Variants in SLC7A14 observed in about 807,000 individuals in gnomAD.
The protein encoded by SLC7A14 is solute carrier family 7 member 14, also known as gamma-aminobutyric acid transporter SLC7A14.
Under a neutral mutation model 60.2 loss-of-function variants are expected in SLC7A14, and 37 were observed. The ratio of observed to expected loss-of-function variants is 0.61; its 90% CI spans 0.47 to 0.81. The LOEUF (loss-of-function observed/expected upper bound fraction) is 0.81, where lower values mean the gene tolerates loss of function less well. SLC7A14 is among the 30% of genes least tolerant of loss of function. The pLI is 0.00. For synonymous variants in SLC7A14, 399 were observed against 395.8 expected, an observed-to-expected ratio of 1.01 and a Z score of -0.10; for missense variants, 886 against 982.7, an observed-to-expected ratio of 0.90 and a Z score of 1.32.
At chr3:170,475,288 A>T (rs868824535) in intron 7 of SLC7A14, among the ~76,000 whole-genome samples, 11 of 152,200 alleles carry the variant, frequency 7.2e-5, no homozygotes, top group African/African-American at 1.9e-4. Flanking sequence ...AAGCTTGGAT[A>T]AAAAAATGTG....
chr3:170,553,178 G>T (rs886722837), intron 1 of SLC7A14, among the ~76,000 whole-genome samples: 9 of 152,144 alleles, frequency 5.9e-5, no homozygotes, highest in Non-Finnish European at 1.3e-4. Flanking sequence ...GCCCTGTCTT[G>T]TTCATCTTGG....
At chr3:170,473,607 G>A (rs1405730655) in intron 7 of SLC7A14, among the ~76,000 whole-genome samples, 1 of 152,154 alleles carries the variant, frequency 6.6e-6, no homozygotes, top group African/African-American at 2.4e-5. Flanking sequence ...ACAGACATTT[G>A]CCGAAGCAGA....
In SLC7A14 at chr3:170,515,846, G is replaced by A. The variant is rs891622631; in HGVS notation, c.304+10787C>T. On this transcript the variant is annotated intron_variant, in intron 2 of 7. Coordinates refer to ENST00000231706, the MANE Select transcript of SLC7A14 (RefSeq NM_020949.3). ...CTCAGGTGTCCCGACTTCTGACGCAGGCCTGATTGTCTCTTGCAGCACTCA... is the reference window on the plus strand; with the variant it reads ...CTCAGGTGTCCCGACTTCTGACGCAAGCCTGATTGTCTCTTGCAGCACTCA... 3.3e-5 allele frequency among the ~76,000 whole-genome samples: 5 copies of A among 152,132 alleles called. No homozygotes were observed. The East Asian group carries it at 9.6e-4, about 29-fold the overall frequency.
chr3:170,577,092 C>T (rs1416331111), intron 1 of SLC7A14, among the ~76,000 whole-genome samples: 1 of 152,186 alleles, frequency 6.6e-6, no homozygotes, highest in Non-Finnish European at 1.5e-5. Context: ...CCATCTCTTT[C>T]CTCTGGACTA....
intron 7 of SLC7A14, among the ~76,000 whole-genome samples, chr3:170,471,111 G>C (rs944177204): frequency 1.3e-5 from 2 of 152,004 alleles, no homozygotes; most frequent in Non-Finnish European, 1.5e-5. Context: ...GTGTGTGTGT[G>C]TGTGTGTGTG....
chr3:170,466,866 C>T lies in SLC7A14; in HGVS notation c.*189G>A. 3.7e-6 allele frequency: 2 copies of T among 536,824 alleles called. No individual in the cohort carries two copies. Among genetic ancestry groups the T allele is most frequent in the East Asian group, 6.1e-5 (2 of 32,714 alleles). The allele number at this position is 536,824 out of a possible 1,614,324, so 33.3% of individuals were successfully genotyped here. A position where few individuals can be genotyped will look rare whatever the true frequency, so the allele number is the denominator to read the frequency against. ...TTTAACAAGGCGACCAGTTAGGGGACCCAGGTTAAGCCCTTCAACAGAACT... is the reference window on the plus strand; with the variant it reads ...TTTAACAAGGCGACCAGTTAGGGGATCCAGGTTAAGCCCTTCAACAGAACT... On this transcript the variant is annotated 3_prime_UTR_variant, in exon 8 of 8. Coordinates refer to ENST00000231706, the MANE Select transcript of SLC7A14 (RefSeq NM_020949.3).
At chr3:170,553,807 G>C (rs1406812409) in intron 1 of SLC7A14, among the ~76,000 whole-genome samples, 1 of 151,810 alleles carries the variant, frequency 6.6e-6, no homozygotes, top group Non-Finnish European at 1.5e-5. Flanking sequence ...AAACACAAAT[G>C]CTCCCATTGC....
At chr3:170,512,602 T>G (rs1210733154) in intron 2 of SLC7A14, among the ~76,000 whole-genome samples, 1 of 146,930 alleles carries the variant, frequency 6.8e-6, no homozygotes. Context: ...CCCCCACACC[T>G]CAGAACTCTA....
intron 1 of SLC7A14, among the ~76,000 whole-genome samples, chr3:170,580,364 C>T (rs1228540526): frequency 6.6e-6 from 1 of 152,164 alleles, no homozygotes; most frequent in Non-Finnish European, 1.5e-5. Context: ...TTTTCAGCTC[C>T]AAGGTAATGG....
At chr3:170,478,494 C>CA (rs1328847782) in intron 7 of SLC7A14, among the ~76,000 whole-genome samples, 1 of 152,118 alleles carries the variant, frequency 6.6e-6, no homozygotes, top group Non-Finnish European at 1.5e-5. Flanking sequence ...AAAATTGGGA[C>CA]AAAATGCTTA....
chr3:170,486,491 T>TAC, intron 4 of SLC7A14, 123 bp from the exon 5 acceptor site: 1 of 1,242,134 alleles, frequency 8.1e-7, no homozygotes, highest in Admixed American at 1.9e-5. Context: ...AGTAACATGG[T>TAC]GGAACTCGTG....
intron 7 of SLC7A14, among the ~76,000 whole-genome samples, chr3:170,470,549 A>C (rs1560246994): frequency 1.3e-5 from 2 of 152,210 alleles, no homozygotes; most frequent in African/African-American, 2.4e-5. Flanking sequence ...GACCGTGTGC[A>C]TGCAGCCTGG....
At chr3:170,533,198 G>T (rs774309960) in intron 1 of SLC7A14, among the ~76,000 whole-genome samples, 2 of 152,104 alleles carry the variant, frequency 1.3e-5, no homozygotes, top group African/African-American at 4.8e-5. Context: ...CACCAGATAC[G>T]GCTTTATGTT....
chr3:170,473,208 T>G (rs574360568), intron 7 of SLC7A14, among the ~76,000 whole-genome samples: 75 of 152,168 alleles, frequency 4.9e-4, no homozygotes, highest in Non-Finnish European at 1.0e-3. Context: ...ATCCATCCTG[T>G]GAAAATTAAG....
At chr3:170,469,866 G>A (rs778245143) in intron 7 of SLC7A14, among the ~76,000 whole-genome samples, 53 of 151,802 alleles carry the variant, frequency 3.5e-4, no homozygotes, top group South Asian at 4.2e-4. Flanking sequence ...TGCCCCAAAC[G>A]TCTCTCCTCT....
intron 1 of SLC7A14, among the ~76,000 whole-genome samples, chr3:170,533,807 T>G (rs534774986): frequency 6.6e-6 from 1 of 152,350 alleles, no homozygotes; most frequent in South Asian, 2.1e-4. Context: ...GATTTTCAGA[T>G]GGCTAATTTT....
At chr3:170,512,815 C>T (rs912695079) in intron 2 of SLC7A14, among the ~76,000 whole-genome samples, 12 of 151,732 alleles carry the variant, frequency 7.9e-5, no homozygotes, top group South Asian at 2.1e-4. Flanking sequence ...AGGCGCCCGC[C>T]ACTACGCCCG....
Position 170,498,874 on chromosome 3 carries a change from T to G in SLC7A14, c.552A>C (p.Glu184Asp). Residue 184 changes from glutamate (E) to aspartate (D), a missense_variant, in exon 4 of 8, where the codon GAA becomes GAC. Glu to Asp is a conservative substitution (Grantham distance 45). Transcript: ENST00000231706. Reference protein sequence around the residue: ...VGTLNGLGKGEESYPDLLALL... With the variant: ...VGTLNGLGKGDESYPDLLALL... ...GAGCCAGAAGGTCTGGGTATGATTC[T>G]TCACCTTTCCCTAGAGAGGAAAGAC... 6.2e-7 allele frequency: 1 copy of G among 1,614,136 alleles called. No homozygotes were observed. Among genetic ancestry groups the G allele is most frequent in the Non-Finnish European group, 8.5e-7 (1 of 1,180,006 alleles).
chr3:170,559,086 T>C (rs1398883635), intron 1 of SLC7A14, among the ~76,000 whole-genome samples: 2 of 152,162 alleles, frequency 1.3e-5, no homozygotes, highest in African/African-American at 4.8e-5. Context: ...CTTTCCAAAC[T>C]TTTTCCCCAC....
Sources: allele counts gnomAD v4.1 joint callset (sites outside exome capture counted in the v4.1 genomes callset), GRCh38; gene constraint gnomAD v4.1.1; transcripts MANE v1.5; gene names NCBI Gene and HGNC (gene_info 2026-07-23, HGNC 2026-07-21).